CLIC5: variants seen among roughly 807,000 people sequenced by gnomAD.
CLIC5 encodes the protein CLIC family member 5.
In CLIC5, 20 loss-of-function variants were observed where a neutral mutation model predicts 24.7. The ratio of observed to expected loss-of-function variants is 0.81; its 90% CI spans 0.57 to 1.18. The LOEUF (loss-of-function observed/expected upper bound fraction) is 1.18. Ranked by LOEUF, CLIC5 falls within the 50% of genes most tolerant of loss-of-function variation. The pLI is 0.00. For missense variants in CLIC5, 341 were observed against 326.1 expected (o/e 1.05, Z -0.35); for synonymous variants, 159 against 135.6 (o/e 1.17, Z -1.20).
the CLIC5 span, among the ~76,000 whole-genome samples, chr6:46,094,622 T>C: frequency 4.6e-5 from 7 of 152,168 alleles, no homozygotes; most frequent in Non-Finnish European, 7.3e-5. Context: ...GGAACACTGG[T>C]GAAAGGGGTG....
At chr6:45,923,032 T>C (rs3777557) in intron 4 of CLIC5, among the ~76,000 whole-genome samples, 46,161 of 152,088 alleles carry the variant, frequency 0.3, 7,194 homozygotes, top group East Asian at 0.47. Flanking sequence ...ACCTATTGTG[T>C]ATTTTCCACA....
intron 6 of CLIC5, among the ~76,000 whole-genome samples, chr6:45,882,474 C>A (rs534293001): frequency 6.6e-6 from 1 of 152,348 alleles, no homozygotes; most frequent in African/African-American, 2.4e-5. Flanking sequence ...TCTTCTTTAA[C>A]CCTGTGACTC....
At chr6:46,091,858 C>T in the CLIC5 span, among the ~76,000 whole-genome samples, 1 of 152,186 alleles carries the variant, frequency 6.6e-6, no homozygotes, top group East Asian at 1.9e-4. Flanking sequence ...ATTTTATATC[C>T]TTTAGATATA....
At position 45,955,164 on chromosome 6, in the gene CLIC5, C is replaced by T. The variant is rs751658904; in HGVS notation, c.144G>A (p.Val48=). 3.2e-5 allele frequency: 52 copies of T among 1,613,698 alleles called. No homozygotes were observed. Among genetic ancestry groups the T allele is most frequent in the Non-Finnish European group, 3.9e-5 (46 of 1,179,760 alleles). Residue 48 remains valine, a synonymous_variant, in exon 2 of 6, where the codon GTG becomes GTA. Coordinates refer to ENST00000339561, the MANE Select transcript of CLIC5 (RefSeq NM_016929.5). ...TCAGATCCACAGTGGTGACATTGAA[C>T]ACGACTCCTTTCAGCCAGAGGATCA... is the stretch of plus-strand genomic sequence containing the variant. ...LFMILWLKGV[V]FNVTTVDLKR...
At chr6:45,970,783 A>G (rs1765175399) in intron 1 of CLIC5, among the ~76,000 whole-genome samples, 1 of 152,286 alleles carries the variant, frequency 6.6e-6, no homozygotes. Flanking sequence ...TGCAAGATGA[A>G]TGTGCCCTTG....
intron 1 of CLIC5, among the ~76,000 whole-genome samples, chr6:45,982,514 T>C (rs1392526624): frequency 6.6e-6 from 1 of 152,152 alleles, no homozygotes; most frequent in Non-Finnish European, 1.5e-5. Context: ...CTAGGTTATA[T>C]AGTGTAGTCT....
chr6:45,913,731 A>G (rs972345855), intron 5 of CLIC5: 27 of 1,194,898 alleles, frequency 2.3e-5, no homozygotes, highest in East Asian at 3.2e-5. Flanking sequence ...ACTTCTTGCA[A>G]CCTCCACCTC....
the CLIC5 span, among the ~76,000 whole-genome samples, chr6:46,111,325 A>T: frequency 1.3e-5 from 2 of 152,206 alleles, no homozygotes; most frequent in Non-Finnish European, 2.9e-5. Context: ...ACAAATGCAG[A>T]AAAAATCTGT....
intron 3 of CLIC5, among the ~76,000 whole-genome samples, chr6:45,941,955 A>T (rs1412390183): frequency 6.6e-6 from 1 of 152,076 alleles, no homozygotes; most frequent in Admixed American, 6.5e-5. Flanking sequence ...ACCAATAAGG[A>T]TGTGCCAGTG....
rs74786400 is a variant in CLIC5, at chr6:45,955,059, G to A, written c.173+76C>T. Reference sequence around the variant, plus strand: ...CAGGGGGCTGCTGGGAGCCACGGAAGGCTTTTGCCCTCCTTCATGGAAGGT... The same window carrying A: ...CAGGGGGCTGCTGGGAGCCACGGAAAGCTTTTGCCCTCCTTCATGGAAGGT... On this transcript the variant is annotated intron_variant, in intron 2 of 5. Coordinates refer to ENST00000339561, the MANE Select transcript of CLIC5 (RefSeq NM_016929.5). The A allele has an allele frequency of 5.0e-3, 5,251 of 1,043,714 alleles. 186 individuals carry two copies. In the African/African-American group the frequency reaches 0.074, roughly 15 times the overall value. 64.7% of individuals were successfully genotyped at this position (1,043,714 alleles called of 1,614,324 possible).
At chr6:46,017,716 C>T (rs773591776), upstream of CLIC5, among the ~76,000 whole-genome samples, 4 of 152,174 alleles carry the variant, frequency 2.6e-5, no homozygotes, top group Non-Finnish European at 2.9e-5. Flanking sequence ...CAAGCTGTCA[C>T]GTAAAGATAC....
intron 1 of CLIC5, among the ~76,000 whole-genome samples, chr6:46,051,896 C>A (rs1368345966): frequency 3.3e-5 from 5 of 152,124 alleles, no homozygotes; most frequent in Non-Finnish European, 7.3e-5. Context: ...GGTGTTCTTT[C>A]CACTGCACTG....
intron 1 of CLIC5, among the ~76,000 whole-genome samples, chr6:46,032,301 C>T (rs1017661945): frequency 4.6e-5 from 7 of 152,190 alleles, no homozygotes; most frequent in Non-Finnish European, 7.3e-5. Flanking sequence ...GGGAAGTCCA[C>T]CCCCATGATC....
chr6:45,959,210 A>T (rs907678060), intron 1 of CLIC5, among the ~76,000 whole-genome samples: 3 of 152,186 alleles, frequency 2.0e-5, no homozygotes, highest in African/African-American at 7.2e-5. Context: ...TTAGTCTTAG[A>T]ACTCTTTTAT....
chr6:46,001,025 G>A (rs1581846102), intron 1 of CLIC5, among the ~76,000 whole-genome samples: 2 of 152,292 alleles, frequency 1.3e-5, no homozygotes, highest in South Asian at 4.2e-4. Flanking sequence ...CCTTTGAGAG[G>A]CATTTTTCTC....
intron 1 of CLIC5, among the ~76,000 whole-genome samples, chr6:46,069,474 A>G (rs990874375): frequency 6.6e-6 from 1 of 152,122 alleles, no homozygotes; most frequent in Non-Finnish European, 1.5e-5. Flanking sequence ...AAATTGATAA[A>G]TTCCTGGACA....
At chr6:46,047,870 G>A (rs1003358138) in intron 1 of CLIC5, among the ~76,000 whole-genome samples, 4 of 152,024 alleles carry the variant, frequency 2.6e-5, no homozygotes, top group African/African-American at 9.7e-5. Context: ...ACAGGTATAT[G>A]TTATCCACAT....
chr6:46,058,644 A>G (rs1045393427), intron 1 of CLIC5, among the ~76,000 whole-genome samples: 1 of 152,220 alleles, frequency 6.6e-6, no homozygotes, highest in African/African-American at 2.4e-5. Context: ...GGACCAGAGA[A>G]GTCTTTCATA....
the CLIC5 span, among the ~76,000 whole-genome samples, chr6:46,103,931 T>C: frequency 6.6e-6 from 1 of 152,156 alleles, no homozygotes; most frequent in Non-Finnish European, 1.5e-5. Context: ...TGTTTGTCTC[T>C]CTCTGGTGGA....
Sources: gnomAD v4.1 joint callset for allele counts (sites outside exome capture counted in the v4.1 genomes callset) on GRCh38, gnomAD v4.1.1 for gene constraint, MANE v1.5 for transcripts, NCBI Gene and HGNC (gene_info 2026-07-23, HGNC 2026-07-21) for gene names.